Variants in PROX1 observed in about 807,000 individuals in gnomAD.
PROX1 encodes prospero homeobox protein 1.
In PROX1, 7 loss-of-function variants were observed where a neutral mutation model predicts 58.8. That is an observed-to-expected ratio of 0.12 (90% confidence interval 0.07 to 0.22). The LOEUF (loss-of-function observed/expected upper bound fraction) is 0.22. Among genes scored for constraint, PROX1 ranks in the 10% least tolerant of loss-of-function variants. The pLI, the probability that PROX1 is intolerant of heterozygous loss-of-function variation, is 1.00. For synonymous variants in PROX1, 350 were observed against 358.3 expected (o/e 0.98, Z 0.26); for missense variants, 675 against 927.8 (o/e 0.73, Z 3.54).
chr1:214,035,222 C>T (rs889627465), intron 4 of PROX1, among the ~76,000 whole-genome samples: 2 of 152,094 alleles, frequency 1.3e-5, no homozygotes, highest in Non-Finnish European at 2.9e-5. Flanking sequence ...AGAAGCCCAA[C>T]TATTTGTTAT....
At chr1:214,000,840 G>T (rs985590714) in intron 2 of PROX1, among the ~76,000 whole-genome samples, 2 of 152,142 alleles carry the variant, frequency 1.3e-5, no homozygotes, top group African/African-American at 4.8e-5. Context: ...AACTGTTAGT[G>T]TGTAGGCAAA....
At chr1:214,003,819 T>C (rs1274041074) in intron 2 of PROX1, among the ~76,000 whole-genome samples, 1 of 152,214 alleles carries the variant, frequency 6.6e-6, no homozygotes, top group Non-Finnish European at 1.5e-5. Flanking sequence ...TGATTATGCT[T>C]CTCTAGTAAC....
chr1:214,030,180 T>C (rs184924233), intron 4 of PROX1: 21 of 152,278 alleles, frequency 1.4e-4, no homozygotes, highest in Non-Finnish European at 2.2e-4. Flanking sequence ...TGCCCTTTTA[T>C]AGTATAAAAA....
At chr1:213,992,423 T>C (rs887858497) in intron 1 of PROX1, among the ~76,000 whole-genome samples, 26 of 152,124 alleles carry the variant, frequency 1.7e-4, no homozygotes, top group Admixed American at 3.3e-4. Flanking sequence ...TTGAATGTAG[T>C]GAAGGGGACA....
Position 213,996,855 on chromosome 1 carries a change from C to T in PROX1, c.320C>T (p.Thr107Met), listed in dbSNP as rs760078594. The T allele has an allele frequency of 2.6e-5, 42 of 1,613,946 alleles. No individual in the cohort carries two copies. The highest frequency in any genetic ancestry group is 1.2e-4 in the African/African-American group (9 of 74,880). Residue 107 changes from threonine (T) to methionine (M), a missense_variant, in exon 2 of 5, where the codon ACG becomes ATG. Thr to Met is a moderately conservative substitution (Grantham distance 81). Coordinates refer to ENST00000366958, the MANE Select transcript of PROX1 (RefSeq NM_001270616.2). The part of the protein sequence containing the change: ...LKNNMNKNGG[T>M]EPSFQASGLS... ...AATAACATGAACAAAAATGGTGGCA[C>T]GGAGCCCAGTTTCCAAGCCAGCGGT...
intron 2 of PROX1, among the ~76,000 whole-genome samples, chr1:214,003,569 G>C (rs1421733748): frequency 6.6e-6 from 1 of 152,134 alleles, no homozygotes; most frequent in Non-Finnish European, 1.5e-5. Context: ...CACAAGTTCA[G>C]TTAAGCTGCT....
At chr1:214,007,059 CA>C (rs1663740404) in intron 3 of PROX1, among the ~76,000 whole-genome samples, 1 of 152,132 alleles carries the variant, frequency 6.6e-6, no homozygotes. Flanking sequence ...AGAGTTCAAG[CA>C]TGCGTGCATG....
At chr1:214,013,576 C>T (rs373394065) in intron 4 of PROX1, among the ~76,000 whole-genome samples, 1 of 152,082 alleles carries the variant, frequency 6.6e-6, no homozygotes, top group African/African-American at 2.4e-5. Flanking sequence ...CGAGGGTTTT[C>T]GGGTTGCTTA....
intron 4 of PROX1, among the ~76,000 whole-genome samples, chr1:214,016,725 C>T (rs1372895342): frequency 6.6e-6 from 1 of 152,152 alleles, no homozygotes; most frequent in African/African-American, 2.4e-5. Flanking sequence ...GCAGTAAAGA[C>T]ACCAGGTTGG....
intron 1 of PROX1, among the ~76,000 whole-genome samples, chr1:213,990,983 GC>G (rs1663014908): frequency 6.6e-6 from 1 of 152,174 alleles, no homozygotes; most frequent in South Asian, 2.1e-4. Flanking sequence ...AGGTAACTGT[GC>G]TTTTCTATTC....
chr1:214,029,360 T>C (rs1427530594), intron 4 of PROX1: 1 of 152,184 alleles, frequency 6.6e-6, no homozygotes, highest in African/African-American at 2.4e-5. Context: ...GCAGATGCAG[T>C]TTTTCTAACC....
intron 2 of PROX1, among the ~76,000 whole-genome samples, chr1:214,001,729 C>G (rs1472544281): frequency 1.3e-5 from 2 of 152,114 alleles, no homozygotes; most frequent in African/African-American, 4.8e-5. Flanking sequence ...AGAAATTGAT[C>G]TTATACATTT....
chr1:213,997,967 T>C lies in PROX1; in HGVS notation c.1432T>C (p.Ser478Pro), dbSNP rs1663343305. The C allele has an allele frequency of 6.2e-7, 1 of 1,614,004 alleles. No homozygotes were observed. The highest frequency in any genetic ancestry group is 1.1e-5 in the South Asian group (1 of 91,056). Residue 478 changes from serine (S) to proline (P), a missense_variant, in exon 2 of 5, where the codon TCC becomes CCC. By Grantham distance (74) the Ser-to-Pro change is moderately conservative. Coordinates refer to ENST00000366958, the MANE Select transcript of PROX1 (RefSeq NM_001270616.2). The surrounding 1 kb of genome is among the most constrained non-coding windows in gnomAD (Gnocchi z 7.1). Reference sequence around the variant, plus strand: ...CTCTGCCACCACGGGCTTCACCACGTCCACCTTCCGCCACCCCTTCCCCCT... The same window carrying C: ...CTCTGCCACCACGGGCTTCACCACGCCCACCTTCCGCCACCCCTTCCCCCT... ...PLSATTGFTT[S>P]TFRHPFPLPL... is the part of the protein sequence containing the mutation.
At chr1:214,029,405 T>C (rs907935068) in intron 4 of PROX1, 2 of 152,162 alleles carry the variant, frequency 1.3e-5, no homozygotes, top group Non-Finnish European at 2.9e-5. Context: ...TGCTCTTATA[T>C]AGAGCACAAA....
At chr1:214,013,567 G>C (rs955663144) in intron 4 of PROX1, among the ~76,000 whole-genome samples, 1 of 4,034 alleles carries the variant, frequency 2.5e-4, no homozygotes, top group African/African-American at 2.6e-4. Flanking sequence ...AAGTGCGCAC[G>C]AGGGTTTTCG....
upstream of PROX1, chr1:213,985,388 T>G (rs1377423884): frequency 2.0e-5 from 3 of 152,358 alleles, no homozygotes; most frequent in African/African-American, 7.2e-5. Context: ...CCTGTACGCC[T>G]CCCCGACAGT....
At chr1:213,993,722 G>A (rs1663118734) in intron 1 of PROX1, among the ~76,000 whole-genome samples, 1 of 152,088 alleles carries the variant, frequency 6.6e-6, no homozygotes, top group African/African-American at 2.4e-5. Flanking sequence ...TATATGGAGA[G>A]ATATATTTAT....
intron 3 of PROX1, among the ~76,000 whole-genome samples, chr1:214,009,601 C>G (rs1663838194): frequency 6.6e-6 from 1 of 152,070 alleles, no homozygotes; most frequent in Non-Finnish European, 1.5e-5. Flanking sequence ...TGTTTTTGTC[C>G]ATTCTTTCTC....
chr1:214,001,782 C>T (rs1051048991), intron 2 of PROX1, among the ~76,000 whole-genome samples: 1 of 151,618 alleles, frequency 6.6e-6, no homozygotes, highest in East Asian at 1.9e-4. Context: ...TTAGCTAGAG[C>T]AAAACATGTA....
Sources: allele counts gnomAD v4.1 joint callset (sites outside exome capture counted in the v4.1 genomes callset), GRCh38; gene constraint gnomAD v4.1.1; non-coding constraint Gnocchi (gnomAD v3.1); transcripts MANE v1.5; gene names NCBI Gene and HGNC (gene_info 2026-07-23, HGNC 2026-07-21).